Variants in TLR1 observed in about 807,000 individuals in gnomAD.
TLR1 encodes the protein toll like receptor 1, also known as toll-like receptor 1.
In TLR1, 19 loss-of-function variants were observed where a neutral mutation model predicts 20.2. That is an observed-to-expected ratio of 0.94 (90% CI 0.66 to 1.38). The LOEUF (loss-of-function observed/expected upper bound fraction) is 1.38. Among genes scored for constraint, TLR1 ranks in the 40% most tolerant of loss-of-function variants. The pLI, the probability that TLR1 is intolerant of heterozygous loss-of-function variation, is 0.00. For missense variants in TLR1, 921 were observed against 910.0 expected (o/e 1.01, Z -0.16); for synonymous variants, 320 against 334.5 (o/e 0.96, Z 0.47).
chr4:38,797,854 C>T lies in TLR1; in HGVS notation c.978G>A (p.Met326Ile), dbSNP rs765179952. Residue 326 changes from methionine (M) to isoleucine (I), a missense_variant, in exon 4 of 4, where the codon ATG becomes ATA. Transcript: ENST00000308979. ...CAGACACTGTGAAATTTTTGATGTT[C>T]ATATTCGAAAAGATTTCATAGATAT... is the stretch of plus-strand genomic sequence containing the variant. ...QSYIYEIFSN[M>I]NIKNFTVSGT... 1 of 1,613,972 alleles carries T rather than the reference C, an allele frequency of 6.2e-7. No homozygotes were observed. The highest frequency in any genetic ancestry group is 1.1e-5 in the South Asian group (1 of 91,066).
chr4:38,795,719 A>T (rs1268356390), downstream of TLR1, among the ~76,000 whole-genome samples: 1 of 152,202 alleles, frequency 6.6e-6, no homozygotes, highest in Non-Finnish European at 1.5e-5. Flanking sequence ...ATACACATGG[A>T]GGAATAAGTA....
At chr4:38,793,949 CAG>C (rs1156348187), downstream of TLR1, among the ~76,000 whole-genome samples, 1 of 151,706 alleles carries the variant, frequency 6.6e-6, no homozygotes, top group Non-Finnish European at 1.5e-5. Flanking sequence ...TGTGAAGAGA[CAG>C]AGAAAAGACA....
upstream of TLR1, chr4:38,805,303 C>T (rs1726947402): frequency 6.6e-6 from 1 of 152,174 alleles, no homozygotes; most frequent in Admixed American, 6.5e-5. Flanking sequence ...TTAATCACGT[C>T]TTTTTTGACA....
chr4:38,802,895 C>T (rs1399346239), intron 2 of TLR1, among the ~76,000 whole-genome samples: 1 of 152,092 alleles, frequency 6.6e-6, no homozygotes, highest in African/African-American at 2.4e-5. Flanking sequence ...CACTATTGTC[C>T]GTAAATGGTA....
Position 38,798,882 on chromosome 4 carries a change from T to G in TLR1, c.-51A>C. The G allele has an allele frequency of 1.5e-6, 2 of 1,326,116 alleles. No homozygotes were observed. Among genetic ancestry groups the G allele is most frequent in the Non-Finnish European group, 2.1e-6 (2 of 967,066 alleles). 82.1% of individuals were successfully genotyped at this position (1,326,116 alleles called of 1,614,324 possible). The stretch of plus-strand genomic sequence containing the variant: ...GTAGAAGCTGTTCTTCAGATCATCT[T>G]GATACAGATACAGATTCTAGAAAAA... On this transcript the variant is annotated 5_prime_UTR_variant, in exon 4 of 4. Coordinates refer to ENST00000308979, the MANE Select transcript of TLR1 (RefSeq NM_003263.4).
rs577992581 is a variant in TLR1 at position 38,797,470 on chromosome 4, G to T, written c.1362C>A (p.Ser454Arg). The T allele has an allele frequency of 1.0e-4, 162 of 1,614,174 alleles. No individual in the cohort carries two copies. The South Asian group carries it at 1.2e-3, about 12-fold the overall frequency. ...GTTTAGGAATGCTCTTTATTTTATT[G>T]CTGTGAAGATCAAGTACCTTGATCC... ...PPRIKVLDLH[S>R]NKIKSIPKQV... The change falls in exon 4 of 4, where the codon AGC (serine) becomes AGA (arginine). Residue 454 changes from serine (S) to arginine (R), a missense_variant. Transcript: ENST00000308979.
downstream of TLR1, among the ~76,000 whole-genome samples, chr4:38,792,800 G>C (rs191136512): frequency 6.8e-6 from 1 of 147,038 alleles, no homozygotes; most frequent in Non-Finnish European, 1.5e-5. Flanking sequence ...ATTTCCTTAG[G>C]ATAAATTCCT....
In TLR1 at chr4:38,796,683, T is replaced by A. The variant is rs1268347351; in HGVS notation, c.2149A>T (p.Asn717Tyr). Residue 717 changes from asparagine to tyrosine, a missense_variant, in exon 4 of 4, where the codon AAT (asparagine) becomes TAT (tyrosine). By Grantham distance (143) the Asn-to-Tyr change is moderately radical. Coordinates refer to ENST00000308979, the MANE Select transcript of TLR1 (RefSeq NM_003263.4). The stretch of plus-strand genomic sequence containing the variant: ...CTATTAGATCCTTCATGAAAGAGAT[T>A]GTGATGGGCAAAGTAGAGTTCATAA... ...CHYELYFAHH[N>Y]LFHEGSNSLI... The A allele has an allele frequency of 1.2e-6, 2 of 1,614,062 alleles. No homozygotes were observed. The highest frequency in any genetic ancestry group is 1.7e-6 in the Non-Finnish European group (2 of 1,180,056).
downstream of TLR1, among the ~76,000 whole-genome samples, chr4:38,787,813 T>C (rs551235931): frequency 2.6e-5 from 4 of 152,292 alleles, no homozygotes; most frequent in South Asian, 8.3e-4. Flanking sequence ...GACTAGAGCC[T>C]TAGGTTAATA....
chr4:38,796,289 C>T lies in TLR1; in HGVS notation c.*182G>A. 1.5e-6 allele frequency: 1 copy of T among 648,624 alleles called. No individual in the cohort carries two copies. Among genetic ancestry groups the T allele is most frequent in the South Asian group, 2.2e-5 (1 of 45,564 alleles). 40.2% of individuals were successfully genotyped at this position (648,624 alleles called of 1,614,324 possible). On this transcript the variant is annotated 3_prime_UTR_variant, in exon 4 of 4. Coordinates refer to ENST00000308979, the MANE Select transcript of TLR1 (RefSeq NM_003263.4). The stretch of plus-strand genomic sequence containing the variant: ...AGAACTGTTTAAATCAAAGTTATAT[C>T]ATTTCATTAATTTTTAATACCACAT...
At chr4:38,793,883 T>A (rs184968496), downstream of TLR1, among the ~76,000 whole-genome samples, 1 of 146,974 alleles carries the variant, frequency 6.8e-6, no homozygotes, top group Admixed American at 6.7e-5. Context: ...GGTGTCCTTA[T>A]TAAAAAAAAA....
rs1726235851 is a variant in TLR1 at position 38,797,808 on chromosome 4, G to A, written c.1024C>T (p.Leu342Phe). Residue 342 changes from leucine to phenylalanine, a missense_variant, in exon 4 of 4, where the codon CTT becomes TTT. Physicochemically the swap from Leu to Phe is conservative, Grantham distance 22 (BLOSUM62 0). Coordinates refer to ENST00000308979, the MANE Select transcript of TLR1 (RefSeq NM_003263.4). ...TVSGTRMVHM[L>F]CPSKISPFLH... Reference sequence around the variant, plus strand: ...AACGGGCTAATTTTGGATGGGCAAAGCATGTGGACCATGCGTGTACCAGAC... The same window carrying A: ...AACGGGCTAATTTTGGATGGGCAAAACATGTGGACCATGCGTGTACCAGAC... 1.9e-6 allele frequency: 3 copies of A among 1,614,042 alleles called. No individual in the cohort carries two copies. The highest frequency in any genetic ancestry group is 1.7e-6 in the Non-Finnish European group (2 of 1,180,008).
At chr4:38,799,982 A>G (rs1413620714) in intron 3 of TLR1, among the ~76,000 whole-genome samples, 2 of 152,174 alleles carry the variant, frequency 1.3e-5, no homozygotes, top group African/African-American at 4.8e-5. Context: ...AAGTTCCTGT[A>G]GTGATAAGTT....
At chr4:38,795,978 T>C (rs1193885154), downstream of TLR1, among the ~76,000 whole-genome samples, 1 of 152,068 alleles carries the variant, frequency 6.6e-6, no homozygotes, top group Non-Finnish European at 1.5e-5. Flanking sequence ...GTGGGCATGA[T>C]GGTGGGGGGT....
In TLR1 at chr4:38,798,809, G is replaced by A. The variant is rs756878776; in HGVS notation, c.23C>T (p.Ala8Val). The A allele has an allele frequency of 6.3e-7, 1 of 1,597,740 alleles. No individual in the cohort carries two copies. Among genetic ancestry groups the A allele is most frequent in the South Asian group, 1.1e-5 (1 of 88,480 alleles). The part of the protein sequence containing the change: MTSIFHF[A>V]IIFMLILQIR... Reference sequence around the variant, plus strand: ...CTGAAGTATTAACATGAAGATAATGGCAAAATGGAAGATGCTAGTCATTTT... The same window carrying A: ...CTGAAGTATTAACATGAAGATAATGACAAAATGGAAGATGCTAGTCATTTT... The change falls in exon 4 of 4, where the codon GCC becomes GTC. Residue 8 changes from alanine to valine, a missense_variant. By Grantham distance (64) the Ala-to-Val change is moderately conservative. Transcript: ENST00000308979.
downstream of TLR1, among the ~76,000 whole-genome samples, chr4:38,792,001 A>T (rs1368915190): frequency 6.6e-6 from 1 of 152,190 alleles, no homozygotes; most frequent in Non-Finnish European, 1.5e-5. Context: ...AATAGCCATG[A>T]CCCTGAGATA....
Position 38,796,750 on chromosome 4 carries a change from G to C in TLR1, c.2082C>G (p.Ile694Met). 6.2e-7 allele frequency: 1 copy of C among 1,614,200 alleles called. No individual in the cohort carries two copies. The highest frequency in any genetic ancestry group is 1.3e-5 in the African/African-American group (1 of 75,054). The part of the protein sequence containing the change: ...ITCIEKSYKS[I>M]FVLSPNFVQS... Reference sequence around the variant, plus strand: ...GGACAAAGTTGGGAGACAAAACAAAGATGGACTTGTAACTCTTCTCAATGC... The same window carrying C: ...GGACAAAGTTGGGAGACAAAACAAACATGGACTTGTAACTCTTCTCAATGC... Residue 694 changes from isoleucine (I) to methionine (M), a missense_variant, in exon 4 of 4, where the codon ATC becomes ATG. Transcript: ENST00000308979.
At position 38,798,458 on chromosome 4, in the gene TLR1, G is replaced by A. The variant is rs1726353112; in HGVS notation, c.374C>T (p.Ala125Val). 1 of 1,613,902 alleles carries A rather than the reference G, an allele frequency of 6.2e-7. No homozygotes were observed. The highest frequency in any genetic ancestry group is 8.5e-7 in the Non-Finnish European group (1 of 1,179,948). Residue 125 changes from alanine (A) to valine (V), a missense_variant, in exon 4 of 4, where the codon GCA becomes GTA. Transcript: ENST00000308979. ...NLKHLDLSFNAFDALPICKEF... is the reference protein window; with the variant it reads ...NLKHLDLSFNVFDALPICKEF... ...TTTGCATATAGGCAGGGCATCAAAT[G>A]CATTAAATGACAGGTCCAAGTGCTT...
downstream of TLR1, among the ~76,000 whole-genome samples, chr4:38,795,122 T>C (rs940729439): frequency 1.3e-5 from 2 of 152,172 alleles, no homozygotes; most frequent in African/African-American, 2.4e-5. Flanking sequence ...TTACACCTCA[T>C]TTTTTAACCC....
Sources: allele counts gnomAD v4.1 joint callset (sites outside exome capture counted in the v4.1 genomes callset), GRCh38; gene constraint gnomAD v4.1.1; transcripts MANE v1.5; gene names NCBI Gene and HGNC (gene_info 2026-07-23, HGNC 2026-07-21).